The following CHRNA7 variants were observed in gnomAD, a reference collection of about 807,000 sequenced individuals.
CHRNA7 encodes the protein neuronal acetylcholine receptor subunit alpha-7.
A neutral mutation model predicts 48.0 loss-of-function variants in CHRNA7; 17 were observed. The observed-to-expected ratio is 0.35, with a 90% CI of 0.24 to 0.53. The LOEUF (loss-of-function observed/expected upper bound fraction) is 0.53, where lower values mean the gene tolerates loss of function less well. Ranked by LOEUF, CHRNA7 falls within the 20% of genes least tolerant of loss-of-function variation. The pLI is 0.92. For synonymous variants in CHRNA7, 75 were observed against 242.3 expected, an observed-to-expected ratio of 0.31 and a Z score of 6.41; for missense variants, 155 against 577.7, an observed-to-expected ratio of 0.27 and a Z score of 7.50.
intron 4 of CHRNA7, among the ~76,000 whole-genome samples, chr15:32,135,489 A>G (rs891875123): frequency 1.3e-5 from 2 of 152,134 alleles, no homozygotes; most frequent in African/African-American, 2.4e-5. Flanking sequence ...TTAAATCACT[A>G]CTGGGCGACT....
intron 2 of CHRNA7, among the ~76,000 whole-genome samples, chr15:32,038,034 T>C (rs796300664): frequency 6.4e-5 from 9 of 140,036 alleles, no homozygotes; most frequent in African/African-American, 2.3e-4. Context: ...GGTATGATGT[T>C]AGCTATAGGT....
chr15:32,097,803 G>T (rs1164842629), intron 2 of CHRNA7, among the ~76,000 whole-genome samples: 4 of 152,184 alleles, frequency 2.6e-5, no homozygotes, highest in Non-Finnish European at 4.4e-5. Context: ...TTTGACTCGG[G>T]TGGCCTCCAA....
chr15:32,072,147 G>A (rs1285431473), intron 2 of CHRNA7, among the ~76,000 whole-genome samples: 1 of 152,122 alleles, frequency 6.6e-6, no homozygotes, highest in African/African-American at 2.4e-5. Context: ...ACGAGTAAGG[G>A]CACTCCTGTT....
At chr15:32,047,001 A>C (rs2049562392) in intron 2 of CHRNA7, among the ~76,000 whole-genome samples, 1 of 150,738 alleles carries the variant, frequency 6.6e-6, no homozygotes, top group Non-Finnish European at 1.5e-5. Context: ...GTTATTTCTG[A>C]GGGCTCTGTT....
At chr15:32,076,536 G>A (rs1467613961) in intron 2 of CHRNA7, among the ~76,000 whole-genome samples, 5 of 152,074 alleles carry the variant, frequency 3.3e-5, no homozygotes, top group Admixed American at 6.6e-5. Context: ...TTTTCAAATC[G>A]TGTGTATTGT....
At chr15:32,064,797 C>T (rs540080976) in intron 2 of CHRNA7, among the ~76,000 whole-genome samples, 2 of 152,234 alleles carry the variant, frequency 1.3e-5, no homozygotes, top group Admixed American at 6.5e-5. Context: ...CATCTGTGCT[C>T]TTGCTTTACC....
At position 32,170,674 on chromosome 15, in the gene CHRNA7, A is replaced by ATAGT. The variant is rs1031644201; in HGVS notation, c.*2220_*2223dup. The ATAGT allele has an allele frequency of 1.6e-5, 2 of 124,304 alleles. No homozygotes were observed. The highest frequency in any genetic ancestry group is 2.8e-5 in the African/African-American group (1 of 36,188). The allele number at this position is 124,304 out of a possible 1,614,324, so 7.7% of individuals were successfully genotyped here. ...GTAATAATAAGGAATAGATGTGCAC[A>ATAGT]TAGTTAGAAAAGTATGAGTGGTTAA... On this transcript the variant is annotated 3_prime_UTR_variant, in exon 10 of 10. Coordinates refer to ENST00000306901, the MANE Select transcript of CHRNA7 (RefSeq NM_000746.6).
chr15:32,133,125 T>G (rs1489711238), intron 4 of CHRNA7, among the ~76,000 whole-genome samples: 2 of 152,218 alleles, frequency 1.3e-5, no homozygotes, highest in Non-Finnish European at 2.9e-5. Flanking sequence ...CCTTTCCTCA[T>G]AGGGATGAAT....
intron 4 of CHRNA7, among the ~76,000 whole-genome samples, chr15:32,151,298 C>G (rs1011416588): frequency 2.6e-5 from 4 of 152,132 alleles, no homozygotes; most frequent in Non-Finnish European, 5.9e-5. Context: ...TTTTCTAGGC[C>G]TCCTGCTCAA....
At position 32,166,331 on chromosome 15, in the gene CHRNA7, A is replaced by C. The variant is rs528563791; in HGVS notation, c.991-1609A>C. 6 of 152,348 alleles carry C rather than the reference A, an allele frequency of 3.9e-5. No individual in the cohort carries two copies. In the South Asian group the frequency reaches 1.2e-3, roughly 32 times the overall value. The allele number at this position is 152,348 out of a possible 1,614,324, so 9.4% of individuals were successfully genotyped here. A position where few individuals can be genotyped will look rare whatever the true frequency, so the allele number is the denominator to read the frequency against. The stretch of plus-strand genomic sequence containing the variant: ...CTCACCCAAGGTTTCACCTGGGGCC[A>C]TATGTCCCTGCTCCTTACTGATCAT... On this transcript the variant is annotated intron_variant, in intron 9 of 9. Transcript: ENST00000306901.
intron 2 of CHRNA7, among the ~76,000 whole-genome samples, chr15:32,083,718 T>C (rs998834611): frequency 6.6e-6 from 1 of 152,154 alleles, no homozygotes; most frequent in Non-Finnish European, 1.5e-5. Flanking sequence ...ACATATTAAG[T>C]GGCTCATATA....
chr15:32,108,162 A>C (rs1449079809), intron 3 of CHRNA7, among the ~76,000 whole-genome samples: 2 of 151,988 alleles, frequency 1.3e-5, no homozygotes, highest in Admixed American at 1.3e-4. Context: ...TGTGGGCTCG[A>C]AGCAGCACAA....
At chr15:32,111,699 C>T in intron 3 of CHRNA7, 91 bp from the exon 4 acceptor site, 1 of 699,424 alleles carries the variant, frequency 1.4e-6, no homozygotes, top group Non-Finnish European at 2.5e-6. Context: ...GTCTGGAATT[C>T]TCTTTGGTTT....
At chr15:32,105,510 G>A (rs574498309) in intron 3 of CHRNA7, among the ~76,000 whole-genome samples, 7 of 150,774 alleles carry the variant, frequency 4.6e-5, no homozygotes, top group Non-Finnish European at 8.9e-5. Context: ...GAAAGGAGGA[G>A]GAGGAGGAGG....
chr15:32,123,215 A>C (rs1476637761), intron 4 of CHRNA7, among the ~76,000 whole-genome samples: 1 of 152,242 alleles, frequency 6.6e-6, no homozygotes, highest in African/African-American at 2.4e-5. Flanking sequence ...ACTAAGAAGT[A>C]GAAGAAGTAA....
chr15:32,045,673 A>G (rs2049528620), intron 2 of CHRNA7, among the ~76,000 whole-genome samples: 2 of 150,176 alleles, frequency 1.3e-5, no homozygotes, highest in South Asian at 4.2e-4. Flanking sequence ...AGTAGCTGGT[A>G]TTTTTTTTTA....
At chr15:32,099,627 A>C (rs1489367029) in intron 2 of CHRNA7, 1 of 152,240 alleles carries the variant, frequency 6.6e-6, no homozygotes, top group African/African-American at 2.4e-5. Context: ...AAGGCACCTA[A>C]ATGGAACCCT....
intron 2 of CHRNA7, chr15:32,099,404 T>TG (rs1434385991): frequency 3.3e-5 from 5 of 152,344 alleles, no homozygotes; most frequent in African/African-American, 1.2e-4. Context: ...CATGCTCAGG[T>TG]GGTGGTGGCT....
intron 4 of CHRNA7, among the ~76,000 whole-genome samples, chr15:32,147,609 AAG>A (rs2051519807): frequency 6.6e-6 from 1 of 152,166 alleles, no homozygotes; most frequent in Non-Finnish European, 1.5e-5. Flanking sequence ...TTTTTAAAAA[AAG>A]GAAATATTCT....
Sources: allele counts gnomAD v4.1 joint callset (sites outside exome capture counted in the v4.1 genomes callset), GRCh38; gene constraint gnomAD v4.1.1; transcripts MANE v1.5; gene names NCBI Gene and HGNC (gene_info 2026-07-23, HGNC 2026-07-21).